FBXL4: variants seen among roughly 807,000 people sequenced by gnomAD.
FBXL4 encodes the protein F-box/LRR-repeat protein 4.
In FBXL4, 40 loss-of-function variants were observed where a neutral mutation model predicts 58.9. The observed-to-expected ratio is 0.68, with a 90% CI of 0.53 to 0.88. FBXL4 has a LOEUF of 0.88. Among genes scored for constraint, FBXL4 ranks in the 40% least tolerant of loss-of-function variants. FBXL4 has a pLI of 0.00. For missense variants in FBXL4, 676 were observed against 734.4 expected (o/e 0.92, Z 0.92); for synonymous variants, 263 against 265.5 (o/e 0.99, Z 0.09).
At chr6:98,885,010 T>C (rs557637866) in intron 7 of FBXL4, among the ~76,000 whole-genome samples, 1 of 152,232 alleles carries the variant, frequency 6.6e-6, no homozygotes, top group Non-Finnish European at 1.5e-5. Flanking sequence ...AGAGGTGATA[T>C]AGGTCACTTT....
rs754225961 is a variant in FBXL4 at position 98,926,847 on chromosome 6, TG to T, written c.141del (p.Asn48MetfsTer4). 1.2e-6 allele frequency: 2 copies of T among 1,614,148 alleles called. No individual in the cohort carries two copies. Among genetic ancestry groups the T allele is most frequent in the East Asian group, 4.5e-5 (2 of 44,882 alleles). ...AIESNSQTSP[L>X]NAEVVQYAKE... ...TTGGCATACTGGACTACCTCTGCAT[TG>T]AGAGGGGAAGTCTGGCTGTTTGATT... On this transcript the variant is annotated frameshift_variant, in exon 4 of 10. Transcript: ENST00000369244. LOFTEE classifies it high-confidence loss of function.
At position 98,926,596 on chromosome 6, in the gene FBXL4, A is replaced by G. The variant is rs1772790492; in HGVS notation, c.393T>C (p.Phe131=). The part of the protein sequence containing the change: ...FQSQDYVELT[F]EQQVYPTAVH... ...CAGCTGTAGGATACACCTGTTGTTC[A>G]AAAGTAAGTTCCACATAGTCCTGGC... is the stretch of plus-strand genomic sequence containing the variant. The change falls in exon 4 of 10, where the codon TTT becomes TTC. Residue 131 remains phenylalanine (F), a synonymous_variant. Transcript: ENST00000369244. The G allele has an allele frequency of 6.2e-7, 1 of 1,614,090 alleles. No homozygotes were observed. The highest frequency in any genetic ancestry group is 8.5e-7 in the Non-Finnish European group (1 of 1,180,040).
At chr6:98,904,978 A>G (rs1199129668) in intron 6 of FBXL4, among the ~76,000 whole-genome samples, 2 of 152,212 alleles carry the variant, frequency 1.3e-5, no homozygotes, top group Non-Finnish European at 2.9e-5. Context: ...AGTTTAAATG[A>G]GCTTCTAAAT....
At position 98,917,528 on chromosome 6, in the gene FBXL4, G is replaced by A. The variant is rs903771977; in HGVS notation, c.704C>T (p.Ser235Phe). The A allele has an allele frequency of 6.2e-7, 1 of 1,613,916 alleles. No homozygotes were observed. Among genetic ancestry groups the A allele is most frequent in the African/African-American group, 1.3e-5 (1 of 74,918 alleles). The part of the protein sequence containing the change: ...LHGVKDKPVL[S>F]LKTSLIDMND... ...CATGTCAATAAGTGAAGTCTTGAGA[G>A]AAAGCACTGGCTTGTCCTTCACACC... Residue 235 changes from serine to phenylalanine, a missense_variant, in exon 5 of 10, where the codon TCT (serine) becomes TTT (phenylalanine). Ser to Phe is a radical substitution (Grantham distance 155, BLOSUM62 -2). Coordinates refer to ENST00000369244, the MANE Select transcript of FBXL4 (RefSeq NM_001278716.2).
chr6:98,887,148 C>T (rs1346874331), intron 7 of FBXL4, among the ~76,000 whole-genome samples: 2 of 152,068 alleles, frequency 1.3e-5, no homozygotes, highest in East Asian at 3.9e-4. Flanking sequence ...TGCCTGTGGT[C>T]CCAGCTACTT....
chr6:98,910,947 C>T (rs1243591744), intron 5 of FBXL4, among the ~76,000 whole-genome samples: 2 of 152,174 alleles, frequency 1.3e-5, no homozygotes, highest in African/African-American at 4.8e-5. Context: ...TGACAGATGG[C>T]ACCTAGAAAA....
At chr6:98,906,535 T>C (rs1024827050) in intron 5 of FBXL4, among the ~76,000 whole-genome samples, 6 of 152,218 alleles carry the variant, frequency 3.9e-5, no homozygotes, top group African/African-American at 1.4e-4. Flanking sequence ...TATTCCATGG[T>C]ACATATGTGC....
At chr6:98,892,420 T>C (rs970043032) in intron 7 of FBXL4, among the ~76,000 whole-genome samples, 5 of 152,340 alleles carry the variant, frequency 3.3e-5, no homozygotes, top group Non-Finnish European at 5.9e-5. Context: ...AGTTTGGTCT[T>C]ATAGTCTGAC....
intron 6 of FBXL4, among the ~76,000 whole-genome samples, chr6:98,900,142 A>G (rs1275452618): frequency 6.6e-6 from 1 of 152,208 alleles, no homozygotes; most frequent in East Asian, 1.9e-4. Flanking sequence ...AGTTACCACA[A>G]TATTTATGTC....
Position 98,927,012 on chromosome 6 carries a change from A to T in FBXL4, c.-24T>A. On this transcript the variant is annotated 5_prime_UTR_variant, in exon 4 of 10. An upstream open reading frame in the 5' UTR gains an earlier in-frame stop. Transcript: ENST00000369244. ...ATCTAGATGTGAATTATGAAGCTTC[A>T]AAAGGTCAGGTGTCCTCAGTAAGAT... 1 of 1,605,902 alleles carries T rather than the reference A, an allele frequency of 6.2e-7. No homozygotes were observed. The highest frequency in any genetic ancestry group is 8.5e-7 in the Non-Finnish European group (1 of 1,174,628).
In FBXL4 at chr6:98,873,700, C is replaced by T. The variant is rs1414009996; in HGVS notation, c.*578G>A. The T allele has an allele frequency of 1.3e-5, 2 of 152,212 alleles. No individual in the cohort carries two copies. The highest frequency in any genetic ancestry group is 2.9e-5 in the Non-Finnish European group (2 of 68,120). The allele number at this position is 152,212 out of a possible 1,614,324, so 9.4% of individuals were successfully genotyped here. A position where few individuals can be genotyped will look rare whatever the true frequency, so the allele number is the denominator to read the frequency against. On this transcript the variant is annotated 3_prime_UTR_variant, in exon 10 of 10. Coordinates refer to ENST00000369244, the MANE Select transcript of FBXL4 (RefSeq NM_001278716.2). Reference sequence around the variant, plus strand: ...ATCCCATCTCAAGTAATCCTCCTGCCTCCACCTCCTGTGTCGCTAGGACTA... The same window carrying T: ...ATCCCATCTCAAGTAATCCTCCTGCTTCCACCTCCTGTGTCGCTAGGACTA...
chr6:98,942,905 T>C (rs1362492713), intron 1 of FBXL4, among the ~76,000 whole-genome samples: 2 of 151,904 alleles, frequency 1.3e-5, no homozygotes, highest in African/African-American at 4.8e-5. Flanking sequence ...GGGGAAAAAA[T>C]AGTTAATATG....
rs111596573 is a variant in FBXL4, at chr6:98,888,496, T to A, written c.1318-7872A>T. 4.6e-3 allele frequency among the ~76,000 whole-genome samples: 703 copies of A among 152,278 alleles called. 5 individuals are homozygous for A. Among genetic ancestry groups the A allele is most frequent in the Non-Finnish European group, 7.1e-3 (481 of 68,014 alleles). ...TATATTATTAGGTGTACTGTGAAAA[T>A]GGCACAGTATTTATTCAGAAATGAA... On this transcript the variant is annotated intron_variant, in intron 7 of 9. Coordinates refer to ENST00000369244, the MANE Select transcript of FBXL4 (RefSeq NM_001278716.2).
chr6:98,874,475 A>C, intron 9 of FBXL4, 34 bp from the exon 10 acceptor site: 1 of 1,585,930 alleles, frequency 6.3e-7, no homozygotes, highest in Non-Finnish European at 8.5e-7. Flanking sequence ...ACAAAACAAA[A>C]CACCTTAAGT....
At chr6:98,903,980 T>G (rs893129731) in intron 6 of FBXL4, among the ~76,000 whole-genome samples, 1 of 152,122 alleles carries the variant, frequency 6.6e-6, no homozygotes, top group Non-Finnish European at 1.5e-5. Context: ...ACACAAAGGG[T>G]GAAAACAAAC....
In FBXL4 at chr6:98,926,378, A is replaced by G. The variant is rs186402407; in HGVS notation, c.512+99T>C. On this transcript the variant is annotated intron_variant, in intron 4 of 9. Transcript: ENST00000369244. ...AAAATTTTCAAAATCAAATTCAATT[A>G]AGTTACTTAAAAGAATGCTTGCAAT... 17 of 1,273,774 alleles carry G rather than the reference A, an allele frequency of 1.3e-5. No homozygotes were observed. The Admixed American group carries it at 4.1e-4, about 30-fold the overall frequency. 78.9% of individuals were successfully genotyped at this position (1,273,774 alleles called of 1,614,324 possible). A position where few individuals can be genotyped will look rare whatever the true frequency, so the allele number is the denominator to read the frequency against.
chr6:98,939,570 C>T (rs1044001292), intron 1 of FBXL4, among the ~76,000 whole-genome samples: 3 of 152,194 alleles, frequency 2.0e-5, no homozygotes, highest in African/African-American at 7.2e-5. Context: ...TACATAAATT[C>T]TCTTTTCTTT....
intron 5 of FBXL4, among the ~76,000 whole-genome samples, chr6:98,909,351 G>A (rs1022743543): frequency 1.3e-5 from 2 of 152,090 alleles, no homozygotes; most frequent in African/African-American, 4.8e-5. Flanking sequence ...GTGCACTGAG[G>A]CAGCCCTGAG....
At chr6:98,922,021 G>C (rs1487864709) in intron 4 of FBXL4, among the ~76,000 whole-genome samples, 2 of 152,088 alleles carry the variant, frequency 1.3e-5, no homozygotes, top group African/African-American at 4.8e-5. Flanking sequence ...TCCGCCTTCT[G>C]GTTTCAAGTG....
Sources: allele counts gnomAD v4.1 joint callset (sites outside exome capture counted in the v4.1 genomes callset), GRCh38; gene constraint gnomAD v4.1.1; transcripts MANE v1.5; gene names NCBI Gene and HGNC (gene_info 2026-07-23, HGNC 2026-07-21).